Variants in SV2C observed in about 807,000 individuals in gnomAD.
SV2C encodes the protein synaptic vesicle glycoprotein 2C.
Under a neutral mutation model 79.7 loss-of-function variants are expected in SV2C, and 49 were observed. That is an observed-to-expected ratio of 0.61 (90% CI 0.49 to 0.78). SV2C has a LOEUF of 0.78. Among genes scored for constraint, SV2C ranks in the 30% least tolerant of loss-of-function variants. The pLI, the probability that SV2C is intolerant of heterozygous loss-of-function variation, is 0.00. For missense variants in SV2C, 833 were observed against 912.9 expected, an observed-to-expected ratio of 0.91 and a Z score of 1.13; for synonymous variants, 334 against 333.2, an observed-to-expected ratio of 1.00 and a Z score of -0.03.
chr5:76,126,028 G>A (rs1423927552), intron 1 of SV2C, among the ~76,000 whole-genome samples: 1 of 152,120 alleles, frequency 6.6e-6, no homozygotes, highest in Non-Finnish European at 1.5e-5. Context: ...CTGCTGCCTG[G>A]GTGGGAGAGT....
At chr5:76,197,429 G>A (rs1390711562) in intron 3 of SV2C, among the ~76,000 whole-genome samples, 1 of 152,004 alleles carries the variant, frequency 6.6e-6, no homozygotes, top group Non-Finnish European at 1.5e-5. Context: ...CAAAATATTT[G>A]GGAGAAAACA....
At chr5:76,342,128 A>G (rs1030294679) in intron 12 of SV2C, among the ~76,000 whole-genome samples, 3 of 152,136 alleles carry the variant, frequency 2.0e-5, no homozygotes, top group African/African-American at 7.2e-5. Flanking sequence ...AAGAGGAGGA[A>G]GGAGAGAAGG....
At chr5:75,907,217 G>T in the SV2C span, among the ~76,000 whole-genome samples, 1 of 152,172 alleles carries the variant, frequency 6.6e-6, no homozygotes, top group Non-Finnish European at 1.5e-5. Flanking sequence ...GAGAAAATGT[G>T]TGCTCACTAC....
the SV2C span, among the ~76,000 whole-genome samples, chr5:76,049,023 GA>G: frequency 0.015 from 1,229 of 82,600 alleles, 54 homozygotes; most frequent in Middle Eastern, 0.033. Flanking sequence ...AAGAAAGAAA[GA>G]AAAAGAAAAG....
At position 76,285,440 on chromosome 5, in the gene SV2C, A is replaced by G. The variant is rs1332659699; in HGVS notation, c.1047+145A>G. The G allele has an allele frequency of 7.5e-6, 9 of 1,200,128 alleles. No homozygotes were observed. The East Asian group carries it at 1.7e-4, about 23-fold the overall frequency. The allele number at this position is 1,200,128 out of a possible 1,614,324, so 74.3% of individuals were successfully genotyped here. ...TGATGGAGGGTTTGGTTTCATGGAGACCTGCTTTCAACAACCAACATGTAA... is the reference window on the plus strand; with the variant it reads ...TGATGGAGGGTTTGGTTTCATGGAGGCCTGCTTTCAACAACCAACATGTAA... On this transcript the variant is annotated intron_variant, in intron 5 of 12. Transcript: ENST00000502798.
chr5:76,311,877 A>G (rs1748454824), intron 12 of SV2C, among the ~76,000 whole-genome samples: 1 of 152,144 alleles, frequency 6.6e-6, no homozygotes, highest in Non-Finnish European at 1.5e-5. Flanking sequence ...TGAGAACACC[A>G]ACAGAAGATG....
intron 1 of SV2C, among the ~76,000 whole-genome samples, chr5:76,119,156 T>C (rs56994111): frequency 0.046 from 7,056 of 152,080 alleles, 535 homozygotes; most frequent in African/African-American, 0.16. Flanking sequence ...TGGTGTACCA[T>C]AGGAAAAAAA....
intron 4 of SV2C, among the ~76,000 whole-genome samples, chr5:76,278,916 A>G (rs1236927418): frequency 9.2e-5 from 14 of 152,198 alleles, no homozygotes; most frequent in Non-Finnish European, 1.5e-5. Flanking sequence ...GGGAGACCAA[A>G]CAGGAGGCTG....
In SV2C at chr5:76,287,351, C is replaced by T. The variant is rs183816507; in HGVS notation, c.1137+1481C>T. ...GTGGCTTCAACTTGATATAGCTTGA[C>T]ATGAACATAAGGTATAAAAGAATCA... On this transcript the variant is annotated intron_variant, in intron 6 of 12. Transcript: ENST00000502798. Among the ~76,000 whole-genome samples, 12 of 152,242 alleles carry T rather than the reference C, an allele frequency of 7.9e-5. No homozygotes were observed. In the East Asian group the frequency reaches 1.7e-3, roughly 22 times the overall value.
intron 4 of SV2C, among the ~76,000 whole-genome samples, chr5:76,221,283 A>G (rs1019494831): frequency 1.3e-5 from 2 of 152,220 alleles, no homozygotes; most frequent in African/African-American, 4.8e-5. Flanking sequence ...CCTTCCTTAG[A>G]TGGCTTACAT....
the SV2C span, chr5:75,911,049 CTG>C: frequency 8.6e-7 from 1 of 1,168,908 alleles, no homozygotes; most frequent in African/African-American, 1.5e-5. Context: ...GAGAGTGAAT[CTG>C]TCGCAACAAC....
the SV2C span, among the ~76,000 whole-genome samples, chr5:75,907,607 G>T: frequency 6.6e-6 from 1 of 152,184 alleles, no homozygotes; most frequent in Non-Finnish European, 1.5e-5. Context: ...TAAGGCATAA[G>T]TAAGAGCAAA....
At chr5:75,929,091 T>C in the SV2C span, among the ~76,000 whole-genome samples, 4 of 152,068 alleles carry the variant, frequency 2.6e-5, no homozygotes, top group East Asian at 7.7e-4. Flanking sequence ...CATTAAAAAG[T>C]TCCCTGGTGT....
chr5:75,953,156 A>T, the SV2C span, among the ~76,000 whole-genome samples: 1 of 151,996 alleles, frequency 6.6e-6, no homozygotes, highest in Non-Finnish European at 1.5e-5. Context: ...GCATATGGTG[A>T]GAGAGAAAGC....
chr5:75,881,866 G>C, the SV2C span, among the ~76,000 whole-genome samples: 2 of 147,060 alleles, frequency 1.4e-5, no homozygotes, highest in Non-Finnish European at 1.5e-5. Context: ...GGGCATCCCT[G>C]TCTTGTGCCA....
chr5:75,895,735 C>T, the SV2C span, among the ~76,000 whole-genome samples: 3 of 152,050 alleles, frequency 2.0e-5, no homozygotes, highest in Non-Finnish European at 4.4e-5. Flanking sequence ...CTTTTTCACT[C>T]CTGTCAAGGG....
chr5:76,300,936 T>C lies in SV2C; in HGVS notation c.1840+4T>C. ...ATTGGGCGCTTAACAATGCTAGGTA[T>C]GTACTCAGTTTCATGTCAAATAAAA... On this transcript the variant is annotated splice_donor_region_variant and intron_variant, in intron 11 of 12. Transcript: ENST00000502798. The C allele has an allele frequency of 6.2e-7, 1 of 1,614,006 alleles. No homozygotes were observed. The highest frequency in any genetic ancestry group is 8.5e-7 in the Non-Finnish European group (1 of 1,179,904).
At chr5:75,886,247 T>C in the SV2C span, among the ~76,000 whole-genome samples, 3 of 152,304 alleles carry the variant, frequency 2.0e-5, no homozygotes, top group Admixed American at 6.5e-5. Context: ...GATTCAGCTC[T>C]TTAATTCTTA....
At chr5:76,024,324 A>G in the SV2C span, among the ~76,000 whole-genome samples, 1 of 152,142 alleles carries the variant, frequency 6.6e-6, no homozygotes. Context: ...TTTTCAAAAT[A>G]TATATATTTG....
Sources: gnomAD v4.1 joint callset for allele counts (sites outside exome capture counted in the v4.1 genomes callset) on GRCh38, gnomAD v4.1.1 for gene constraint, MANE v1.5 for transcripts, NCBI Gene and HGNC (gene_info 2026-07-23, HGNC 2026-07-21) for gene names.